DPP6: variants seen among roughly 807,000 people sequenced by gnomAD.
The protein encoded by DPP6 is A-type potassium channel modulatory protein DPP6.
Under a neutral mutation model 122.6 loss-of-function variants are expected in DPP6, and 69 were observed. The ratio of observed to expected loss-of-function variants is 0.56; its 90% CI spans 0.46 to 0.69. The LOEUF is 0.69. Ranked by LOEUF, DPP6 falls within the 30% of genes least tolerant of loss-of-function variation. The pLI, the probability that DPP6 is intolerant of heterozygous loss-of-function variation, is 0.00. For missense variants in DPP6, 928 were observed against 1,116.9 expected (o/e 0.83, Z 2.41); for synonymous variants, 418 against 433.1 (o/e 0.97, Z 0.43).
At chr7:154,080,921 C>CTCA (rs1209823070) in intron 1 of DPP6, among the ~76,000 whole-genome samples, 6 of 152,088 alleles carry the variant, frequency 3.9e-5, no homozygotes, top group African/African-American at 1.4e-4. Context: ...TGCCTGGATG[C>CTCA]TGAGAAAACA....
In DPP6 at chr7:154,875,895, T is replaced by C; in HGVS notation, c.1884-11T>C. 1 of 1,603,036 alleles carries C rather than the reference T, an allele frequency of 6.2e-7. No homozygotes were observed. The highest frequency in any genetic ancestry group is 8.5e-7 in the Non-Finnish European group (1 of 1,175,208). On this transcript the variant is annotated splice_polypyrimidine_tract_variant and intron_variant, in intron 19 of 25. Coordinates refer to ENST00000377770, the MANE Select transcript of DPP6 (RefSeq NM_130797.4). The surrounding 1 kb of genome is among the most constrained non-coding windows in gnomAD (Gnocchi z 4.5). ...GCAGCAGGCCTGCTGAGCCCGGGAT[T>C]CTCTTTCCAGGGATGGCACCCCAGG...
chr7:154,468,848 AAGG>A (rs1822012510), intron 2 of DPP6, among the ~76,000 whole-genome samples: 1 of 152,242 alleles, frequency 6.6e-6, no homozygotes, highest in South Asian at 2.1e-4. Flanking sequence ...GTGAATTTGT[AAGG>A]AGAAGCTTTT....
chr7:154,750,268 G>A (rs557339518), intron 8 of DPP6, among the ~76,000 whole-genome samples: 107 of 152,320 alleles, frequency 7.0e-4, no homozygotes, highest in African/African-American at 2.3e-3. Flanking sequence ...CAGAAGACAA[G>A]AAGCGGGAGT....
chr7:154,530,516 G>T (rs76625075), intron 3 of DPP6, among the ~76,000 whole-genome samples: 1,803 of 152,228 alleles, frequency 0.012, 30 homozygotes, highest in African/African-American at 0.041. Flanking sequence ...AGGTTGCAGA[G>T]AAAATGTAGC....
At chr7:153,852,318 T>G in the DPP6 span, among the ~76,000 whole-genome samples, 8 of 152,126 alleles carry the variant, frequency 5.3e-5, no homozygotes, top group African/African-American at 1.2e-4. Flanking sequence ...TTCTATAGGA[T>G]GTGTGGTGCT....
At chr7:153,975,821 C>T (rs1221348107) in intron 1 of DPP6, among the ~76,000 whole-genome samples, 1 of 152,164 alleles carries the variant, frequency 6.6e-6, no homozygotes, top group Non-Finnish European at 1.5e-5. Flanking sequence ...AGCTTGAAAT[C>T]AAATAATGGC....
chr7:154,330,416 A>G (rs561555757), intron 1 of DPP6, among the ~76,000 whole-genome samples: 6 of 152,236 alleles, frequency 3.9e-5, no homozygotes, highest in African/African-American at 7.2e-5. Context: ...CAGGTAAACA[A>G]TTGTCACACT....
At chr7:154,057,742 A>G (rs1273398062) in intron 1 of DPP6, 2 of 150,528 alleles carry the variant, frequency 1.3e-5, no homozygotes, top group East Asian at 3.9e-4. Flanking sequence ...GTCTTTCATT[A>G]GTTATAAGAA....
chr7:154,131,922 A>G lies in DPP6; in HGVS notation c.243+78859A>G, dbSNP rs1795303659. Among the ~76,000 whole-genome samples, 4 of 152,362 alleles carry G rather than the reference A, an allele frequency of 2.6e-5. No homozygotes were observed. In the South Asian group the frequency reaches 8.3e-4, roughly 32 times the overall value. On this transcript the variant is annotated intron_variant, in intron 1 of 25. Transcript: ENST00000377770. ...AAAAGTTAAATATTAGCCTGAAAAT[A>G]CAAAAAGGACTTGGATATTTCATTT...
At chr7:154,814,851 C>T (rs573668991) in intron 16 of DPP6, among the ~76,000 whole-genome samples, 1 of 152,262 alleles carries the variant, frequency 6.6e-6, no homozygotes, top group East Asian at 1.9e-4. Context: ...TGGTCTTCCC[C>T]CTCTGTCTCT....
intron 1 of DPP6, among the ~76,000 whole-genome samples, chr7:154,383,990 C>A (rs1318135211): frequency 2.6e-5 from 4 of 151,970 alleles, no homozygotes; most frequent in African/African-American, 9.7e-5. Context: ...GAGCCTGAGT[C>A]TGCCCAGCAT....
chr7:153,850,773 T>C, the DPP6 span, among the ~76,000 whole-genome samples: 1 of 152,174 alleles, frequency 6.6e-6, no homozygotes, highest in African/African-American at 2.4e-5. Context: ...ACTTATTCAC[T>C]ATCACAAGAA....
intron 3 of DPP6, among the ~76,000 whole-genome samples, chr7:154,495,177 G>A (rs1313691929): frequency 6.6e-6 from 1 of 152,186 alleles, no homozygotes; most frequent in Non-Finnish European, 1.5e-5. Flanking sequence ...GCTTAAGCCT[G>A]CAACATTCAG....
chr7:154,283,438 A>G (rs889073139), intron 1 of DPP6, among the ~76,000 whole-genome samples: 9 of 151,882 alleles, frequency 5.9e-5, no homozygotes, highest in Admixed American at 5.3e-4. Flanking sequence ...TGTTAGTAAG[A>G]GTTATTCATT....
At chr7:154,459,126 G>A (rs190853038) in intron 2 of DPP6, among the ~76,000 whole-genome samples, 17 of 129,984 alleles carry the variant, frequency 1.3e-4, no homozygotes, top group African/African-American at 4.3e-4. Flanking sequence ...CGAGATGGGA[G>A]ATGAAATGCA....
At chr7:153,776,267 G>A in the DPP6 span, among the ~76,000 whole-genome samples, 16 of 152,246 alleles carry the variant, frequency 1.1e-4, no homozygotes, top group Admixed American at 9.2e-4. Context: ...TGTAGTTCCC[G>A]TAATCCCCAA....
chr7:154,573,165 G>T (rs868701818), intron 5 of DPP6, among the ~76,000 whole-genome samples: 16 of 152,240 alleles, frequency 1.1e-4, no homozygotes, highest in Middle Eastern at 6.8e-3. Flanking sequence ...TGTCTACAGA[G>T]CCTTTCCTGG....
rs554476260 is a variant in DPP6 at position 154,878,221 on chromosome 7, C to G, written c.2078+2121C>G. On this transcript the variant is annotated intron_variant, in intron 20 of 25. Transcript: ENST00000377770. ...GGCTCCCCTTCGACACTTGGCTCTGCCTGGCATCTTCCCCAAAGAGCACAG... is the reference window on the plus strand; with the variant it reads ...GGCTCCCCTTCGACACTTGGCTCTGGCTGGCATCTTCCCCAAAGAGCACAG... Among the ~76,000 whole-genome samples the G allele has an allele frequency of 4.3e-4, 65 of 152,336 alleles. No homozygotes were observed. The South Asian group carries it at 5.6e-3, about 13-fold the overall frequency.
At chr7:154,038,528 G>A (rs1210765055) in intron 1 of DPP6, 1 of 5,474 alleles carries the variant, frequency 1.8e-4, no homozygotes, top group Admixed American at 1.4e-3. Context: ...AGTCAGAGCA[G>A]CTCCTAGCAG....
Sources: gnomAD v4.1 joint callset for allele counts (sites outside exome capture counted in the v4.1 genomes callset) on GRCh38, gnomAD v4.1.1 for gene constraint, Gnocchi (gnomAD v3.1) non-coding constraint, MANE v1.5 for transcripts, NCBI Gene and HGNC (gene_info 2026-07-23, HGNC 2026-07-21) for gene names.